Variants in BAZ2B observed in about 807,000 individuals in gnomAD.
BAZ2B encodes the protein bromodomain adjacent to zinc finger domain 2B, also known as bromodomain adjacent to zinc finger domain protein 2B.
A neutral mutation model predicts 246.0 loss-of-function variants in BAZ2B; 91 were observed. The ratio of observed to expected loss-of-function variants is 0.37; its 90% CI spans 0.31 to 0.44. BAZ2B has a LOEUF of 0.44. Among genes scored for constraint, BAZ2B ranks in the 20% least tolerant of loss-of-function variants. The pLI is 1.00. For synonymous variants in BAZ2B, 855 were observed against 860.0 expected, an observed-to-expected ratio of 0.99 and a Z score of 0.10; for missense variants, 2,332 against 2,533.7, an observed-to-expected ratio of 0.92 and a Z score of 1.71.
the BAZ2B span, among the ~76,000 whole-genome samples, chr2:159,627,359 CAA>C: frequency 6.3e-5 from 8 of 126,870 alleles, no homozygotes; most frequent in Admixed American, 7.9e-5. Context: ...GCAGACACAC[CAA>C]AAAAAAAAAA....
chr2:159,325,094 ATATATATATATATATATATATTT>A (rs2063416535), intron 35 of BAZ2B, 140 bp from the exon 36 acceptor site: 1 of 2,788 alleles, frequency 3.6e-4, no homozygotes, highest in African/African-American at 1.2e-3. Flanking sequence ...TATATATATT[ATATATATATATATATATATATTT>A]TATATATATA....
intron 1 of BAZ2B, among the ~76,000 whole-genome samples, chr2:159,577,011 A>C (rs1578550994): frequency 6.6e-6 from 1 of 151,432 alleles, no homozygotes; most frequent in African/African-American, 2.4e-5. Context: ...AGACTACTTG[A>C]GCCCAGGAGT....
intron 2 of BAZ2B, among the ~76,000 whole-genome samples, chr2:159,489,835 C>T (rs1311300547): frequency 1.3e-5 from 2 of 152,090 alleles, no homozygotes; most frequent in Non-Finnish European, 2.9e-5. Context: ...ACTGCTTAAG[C>T]CCAGGAGTTT....
At chr2:159,656,006 C>A in the BAZ2B span, among the ~76,000 whole-genome samples, 1 of 152,012 alleles carries the variant, frequency 6.6e-6, no homozygotes, top group Non-Finnish European at 1.5e-5. Flanking sequence ...GAGCATGTCT[C>A]ATCTTTGCAT....
chr2:159,646,408 T>G, the BAZ2B span, among the ~76,000 whole-genome samples: 8 of 152,238 alleles, frequency 5.3e-5, no homozygotes, highest in South Asian at 2.1e-4. Context: ...CTACAATTTT[T>G]GCAGTTAATG....
the BAZ2B span, among the ~76,000 whole-genome samples, chr2:159,659,835 C>G: frequency 6.6e-5 from 10 of 152,184 alleles, no homozygotes; most frequent in African/African-American, 2.2e-4. Flanking sequence ...AATTTATCCA[C>G]TTTTATACTT....
chr2:159,495,731 G>A (rs971770634), intron 2 of BAZ2B, among the ~76,000 whole-genome samples: 4 of 151,674 alleles, frequency 2.6e-5, no homozygotes, highest in Non-Finnish European at 5.9e-5. Flanking sequence ...AAACAGATAT[G>A]AGTATCTAAA....
chr2:159,400,206 C>T (rs1287024328), intron 17 of BAZ2B, among the ~76,000 whole-genome samples: 2 of 152,176 alleles, frequency 1.3e-5, no homozygotes, highest in Non-Finnish European at 2.9e-5. Context: ...AAACTTTGCA[C>T]ATTTAAAATT....
chr2:159,377,812 CAA>C lies in BAZ2B; in HGVS notation c.4006-3061_4006-3060del, dbSNP rs35570732. Among the ~76,000 whole-genome samples the C allele has an allele frequency of 6.6e-3, 623 of 94,152 alleles. 4 individuals are homozygous for C. Among genetic ancestry groups the C allele is most frequent in the Non-Finnish European group, 7.8e-3 (359 of 45,990 alleles). The allele number at this position is 94,152 out of a possible 152,430, so 61.8% of individuals were successfully genotyped here. A position where few individuals can be genotyped will look rare whatever the true frequency, so the allele number is the denominator to read the frequency against. The stretch of plus-strand genomic sequence containing the variant: ...GGGTGACAGAGCGAGACTCTGTCTC[CAA>C]AAAAAAAAAAAAAAAAGAAGTGAAA... On this transcript the variant is annotated intron_variant, in intron 25 of 36. Transcript: ENST00000392783.
chr2:159,599,258 C>A (rs1478247461), intron 1 of BAZ2B, among the ~76,000 whole-genome samples: 1 of 152,146 alleles, frequency 6.6e-6, no homozygotes, highest in Non-Finnish European at 1.5e-5. Flanking sequence ...TGGTCCCTGT[C>A]TTACAGGGAC....
intron 28 of BAZ2B, among the ~76,000 whole-genome samples, 184 bp downstream of exon 28, chr2:159,349,524 A>T (rs763819014): frequency 7.2e-5 from 11 of 152,280 alleles, no homozygotes; most frequent in Non-Finnish European, 1.0e-4. Context: ...AAGAAGACTT[A>T]GACAAAGTCT....
intron 27 of BAZ2B, among the ~76,000 whole-genome samples, chr2:159,366,945 A>C (rs1203611833): frequency 6.6e-6 from 1 of 152,124 alleles, no homozygotes; most frequent in Admixed American, 6.5e-5. Context: ...ATAAACCCTC[A>C]GTCTTAGCTA....
intron 1 of BAZ2B, among the ~76,000 whole-genome samples, chr2:159,608,562 A>G (rs567144797): frequency 6.6e-6 from 1 of 152,336 alleles, no homozygotes; most frequent in East Asian, 1.9e-4. Context: ...ATTTGTTTGA[A>G]TTTTCCTTCC....
the BAZ2B span, chr2:159,690,021 C>A: frequency 2.4e-6 from 1 of 412,286 alleles, no homozygotes; most frequent in Non-Finnish European, 4.5e-6. Flanking sequence ...AGATCCATGA[C>A]ATGGAAGTTG....
intron 17 of BAZ2B, 81 bp from the exon 18 acceptor site, chr2:159,398,975 A>C: frequency 7.6e-7 from 1 of 1,314,418 alleles, no homozygotes; most frequent in Non-Finnish European, 1.1e-6. Flanking sequence ...AAATGAAGCT[A>C]CATGTCTCAC....
chr2:159,519,027 TAA>T (rs1437464926), intron 2 of BAZ2B, among the ~76,000 whole-genome samples: 1 of 152,076 alleles, frequency 6.6e-6, no homozygotes, highest in Non-Finnish European at 1.5e-5. Flanking sequence ...AAATTTCACA[TAA>T]AAGTTTCTTT....
At chr2:159,487,331 G>A (rs1219460036) in intron 2 of BAZ2B, among the ~76,000 whole-genome samples, 1 of 152,102 alleles carries the variant, frequency 6.6e-6, no homozygotes, top group African/African-American at 2.4e-5. Flanking sequence ...TTTGTACATT[G>A]TGATTCTATG....
At chr2:159,456,743 C>T (rs533512073) in intron 3 of BAZ2B, among the ~76,000 whole-genome samples, 24 of 152,238 alleles carry the variant, frequency 1.6e-4, no homozygotes, top group Admixed American at 2.6e-4. Context: ...TCCTTAGTGA[C>T]GACTGAGTCT....
the BAZ2B span, among the ~76,000 whole-genome samples, chr2:159,703,138 G>A: frequency 6.6e-6 from 1 of 151,484 alleles, no homozygotes; most frequent in East Asian, 2.0e-4. Context: ...TCAGGCTGGA[G>A]TGCAGTGGTG....
Sources: allele counts gnomAD v4.1 joint callset (sites outside exome capture counted in the v4.1 genomes callset), GRCh38; gene constraint gnomAD v4.1.1; transcripts MANE v1.5; gene names NCBI Gene and HGNC (gene_info 2026-07-23, HGNC 2026-07-21).